The following PHKA1 variants were observed in gnomAD, a reference collection of about 807,000 sequenced individuals.
PHKA1 encodes phosphorylase kinase regulatory subunit alpha 1.
In PHKA1, 60 loss-of-function variants were observed where a neutral mutation model predicts 110.2. The ratio of observed to expected loss-of-function variants is 0.54; its 90% CI spans 0.44 to 0.68. The LOEUF (loss-of-function observed/expected upper bound fraction) is 0.68, where lower values mean the gene tolerates loss of function less well. PHKA1 is among the 30% of genes least tolerant of loss of function. The probability of loss-of-function intolerance (pLI) is 0.00; values close to 1 mark genes in which losing one functional copy is unlikely to be tolerated. For missense variants in PHKA1, 801 were observed against 942.5 expected, an observed-to-expected ratio of 0.85 and a Z score of 1.97; for synonymous variants, 316 against 333.6, an observed-to-expected ratio of 0.95 and a Z score of 0.58.
intron 3 of PHKA1, among the ~76,000 whole-genome samples, chrX:72,702,356 A>G (rs2054216545): frequency 9.0e-6 from 1 of 110,944 alleles, no homozygotes; most frequent in Admixed American, 9.6e-5. Context: ...AGGCTAAGGC[A>G]GGAGGATCAC....
chrX:72,711,299 T>C (rs2055450276), intron 2 of PHKA1, among the ~76,000 whole-genome samples: 1 of 112,247 alleles, frequency 8.9e-6, no homozygotes, highest in Non-Finnish European at 1.9e-5. Context: ...TATTAATTTC[T>C]AGTAAAAATA....
Position 72,650,483 on chromosome X carries a change from T to C in PHKA1, c.1246-15A>G. ...GCTAAAAATCCCTAAAGAAAAACCA[T>C]AAAAAGACAGATTATTAAGTCTCAA... On this transcript the variant is annotated splice_polypyrimidine_tract_variant and intron_variant, in intron 12 of 31. Transcript: ENST00000373542. 1 of 1,162,625 alleles carries C rather than the reference T, an allele frequency of 8.6e-7. No homozygotes were observed. The highest frequency in any genetic ancestry group is 1.2e-6 in the Non-Finnish European group (1 of 852,528).
chrX:72,618,684 C>T, intron 21 of PHKA1, 26 bp downstream of exon 21: 2 of 1,131,047 alleles, frequency 1.8e-6, no homozygotes, highest in South Asian at 3.6e-5. Flanking sequence ...GAACATTAAA[C>T]TAGATTGATA....
intron 18 of PHKA1, chrX:72,622,553 A>G (rs1294998800): frequency 2.7e-5 from 20 of 751,253 alleles, no homozygotes; most frequent in Non-Finnish European, 2.7e-5. Context: ...ATGCTTTCTC[A>G]CTATATCACC....
At chrX:72,640,915 TAA>T (rs1388031434) in intron 14 of PHKA1, among the ~76,000 whole-genome samples, 2 of 111,355 alleles carry the variant, frequency 1.8e-5, no homozygotes, top group South Asian at 3.7e-4. Context: ...GAAATATATA[TAA>T]GTCTCACTGA....
intron 31 of PHKA1, 34 bp from the exon 32 acceptor site, chrX:72,581,209 GA>G: frequency 1.0e-6 from 1 of 981,612 alleles, no homozygotes; most frequent in Non-Finnish European, 1.5e-6. Flanking sequence ...GAACATAGGG[GA>G]AAGGAAAAAT....
chrX:72,675,210 A>C (rs1224772531), intron 6 of PHKA1, among the ~76,000 whole-genome samples: 2 of 107,036 alleles, frequency 1.9e-5, no homozygotes, highest in African/African-American at 6.8e-5. Flanking sequence ...TAATAATAAT[A>C]AATAAATAAA....
intron 25 of PHKA1, 74 bp from the exon 26 acceptor site, chrX:72,603,294 CT>C: frequency 1.6e-6 from 1 of 612,351 alleles, no homozygotes; most frequent in East Asian, 3.5e-5. Context: ...TTCTCTATTT[CT>C]TTTCTTGCTT....
chrX:72,710,956 G>C (rs1260836764), intron 2 of PHKA1, among the ~76,000 whole-genome samples: 1 of 106,771 alleles, frequency 9.4e-6, no homozygotes. Flanking sequence ...CCGCCTCCCG[G>C]GTTCACGCCA....
intron 17 of PHKA1, among the ~76,000 whole-genome samples, chrX:72,626,505 A>C (rs1031320264): frequency 9.1e-6 from 1 of 110,493 alleles, no homozygotes; most frequent in Non-Finnish European, 1.9e-5. Context: ...AATCTATCAA[A>C]CTCCTCTAAG....
chrX:72,686,107 TTTC>T (rs1386433416), intron 4 of PHKA1, among the ~76,000 whole-genome samples: 1 of 112,253 alleles, frequency 8.9e-6, no homozygotes, highest in Non-Finnish European at 1.9e-5. Context: ...TTGTCAAATG[TTTC>T]TTAATGTCAG....
At chrX:72,695,157 G>A (rs1046610791) in intron 4 of PHKA1, among the ~76,000 whole-genome samples, 4 of 111,310 alleles carry the variant, frequency 3.6e-5, no homozygotes, top group Non-Finnish European at 3.8e-5. Flanking sequence ...TCAAAAATAT[G>A]GTATTTTGAG....
chrX:72,683,421 GACAAAA>G (rs781977920), intron 5 of PHKA1, among the ~76,000 whole-genome samples: 1 of 111,420 alleles, frequency 9.0e-6, no homozygotes, highest in East Asian at 2.8e-4. Flanking sequence ...CTGGGCAACA[GACAAAA>G]ACAGAAACAG....
chrX:72,616,696 A>G (rs1368204781), intron 21 of PHKA1, among the ~76,000 whole-genome samples: 1 of 112,058 alleles, frequency 8.9e-6, no homozygotes, highest in Non-Finnish European at 1.9e-5. Flanking sequence ...AAAGCTACAG[A>G]ATACACATTA....
At chrX:72,687,987 C>T (rs1435221145) in intron 4 of PHKA1, among the ~76,000 whole-genome samples, 4 of 108,615 alleles carry the variant, frequency 3.7e-5, no homozygotes, top group African/African-American at 1.0e-4. Context: ...CCACCATGCC[C>T]GGCTAATTTT....
rs781829495 is a variant in PHKA1, at chrX:72,689,219, G to A, written c.455-4639C>T. Among the ~76,000 whole-genome samples, 81 of 111,695 alleles carry A rather than the reference G, an allele frequency of 7.3e-4. 1 individual carries two copies. Among genetic ancestry groups the A allele is most frequent in the African/African-American group, 2.4e-3 (73 of 30,749 alleles). The stretch of plus-strand genomic sequence containing the variant: ...CATGCATAAGAAGTATATATTCAAC[G>A]GTTTTTAGTGTATGCACAGTTATGC... On this transcript the variant is annotated intron_variant, in intron 4 of 31. Coordinates refer to ENST00000373542, the MANE Select transcript of PHKA1 (RefSeq NM_002637.4).
chrX:72,682,189 C>G (rs1253451639), intron 5 of PHKA1, among the ~76,000 whole-genome samples: 1 of 85,569 alleles, frequency 1.2e-5, no homozygotes, highest in African/African-American at 4.4e-5. Flanking sequence ...CCAGCCGCCC[C>G]GTCCGGGAGG....
intron 14 of PHKA1, among the ~76,000 whole-genome samples, chrX:72,636,796 AC>A (rs1355570876): frequency 1.8e-5 from 2 of 112,018 alleles, no homozygotes; most frequent in African/African-American, 6.5e-5. Flanking sequence ...CAGGACTACT[AC>A]TTTTTTATTT....
intron 5 of PHKA1, among the ~76,000 whole-genome samples, chrX:72,680,655 CG>C (rs1438565664): frequency 6.5e-5 from 7 of 108,208 alleles, no homozygotes; most frequent in African/African-American, 2.1e-4. Flanking sequence ...CGCTGCGGCC[CG>C]GGGCAGTGCG....
Sources: allele counts gnomAD v4.1 joint callset (sites outside exome capture counted in the v4.1 genomes callset), GRCh38; gene constraint gnomAD v4.1.1; transcripts MANE v1.5; gene names NCBI Gene and HGNC (gene_info 2026-07-23, HGNC 2026-07-21).